The following CNTN5 variants were observed in gnomAD, a reference collection of about 807,000 sequenced individuals.
CNTN5 encodes the protein contactin 5, also known as contactin-5.
A neutral mutation model predicts 129.1 loss-of-function variants in CNTN5; 77 were observed. That is an observed-to-expected ratio of 0.60 (90% CI 0.50 to 0.72). The LOEUF (loss-of-function observed/expected upper bound fraction) is 0.72, where lower values mean the gene tolerates loss of function less well. CNTN5 is among the 30% of genes least tolerant of loss of function. The pLI is 0.00. For synonymous variants in CNTN5, 509 were observed against 465.6 expected (o/e 1.09, Z -1.20); for missense variants, 1,478 against 1,328.8 (o/e 1.11, Z -1.75).
chr11:99,570,574 CATTT>C (rs1317195259), intron 3 of CNTN5, among the ~76,000 whole-genome samples: 1 of 152,070 alleles, frequency 6.6e-6, no homozygotes, highest in African/African-American at 2.4e-5. Context: ...TAGTATAATT[CATTT>C]GTCTGTTAAT....
chr11:99,598,006 C>T (rs1950176467), intron 3 of CNTN5, among the ~76,000 whole-genome samples: 2 of 152,076 alleles, frequency 1.3e-5, no homozygotes, highest in Admixed American at 1.3e-4. Flanking sequence ...TAATACCACT[C>T]TGTCATCTCT....
chr11:99,145,940 T>G (rs563319495), intron 1 of CNTN5, among the ~76,000 whole-genome samples: 7 of 152,204 alleles, frequency 4.6e-5, no homozygotes, highest in African/African-American at 1.7e-4. Flanking sequence ...TGTAAGTATG[T>G]TGATTTTTTT....
chr11:99,324,146 T>C (rs1021998797), intron 1 of CNTN5, among the ~76,000 whole-genome samples: 1 of 152,176 alleles, frequency 6.6e-6, no homozygotes, highest in African/African-American at 2.4e-5. Context: ...ATAATATAAA[T>C]AGAAGTCATA....
At chr11:99,772,069 G>A (rs1944964998) in intron 3 of CNTN5, among the ~76,000 whole-genome samples, 1 of 60,804 alleles carries the variant, frequency 1.6e-5, no homozygotes, top group Admixed American at 1.7e-4. Context: ...AACTTCTGAG[G>A]TATTTTTTTT....
At chr11:99,523,329 CTGG>C (rs1299641010) in intron 2 of CNTN5, among the ~76,000 whole-genome samples, 1 of 152,070 alleles carries the variant, frequency 6.6e-6, no homozygotes, top group African/African-American at 2.4e-5. Flanking sequence ...TTGTGGCTGG[CTGG>C]GTGCAGTGGC....
intron 13 of CNTN5, among the ~76,000 whole-genome samples, chr11:100,144,780 G>A (rs1946797588): frequency 6.6e-6 from 1 of 151,610 alleles, no homozygotes; most frequent in African/African-American, 2.4e-5. Flanking sequence ...AATTTTAAGG[G>A]AACATTATTC....
intron 1 of CNTN5, among the ~76,000 whole-genome samples, chr11:99,202,276 C>T (rs1041967638): frequency 2.6e-5 from 4 of 152,106 alleles, no homozygotes; most frequent in African/African-American, 9.7e-5. Flanking sequence ...TTACTTAGTG[C>T]CTAGCATGCT....
chr11:99,319,525 C>T (rs565416976), intron 1 of CNTN5, among the ~76,000 whole-genome samples: 1 of 152,234 alleles, frequency 6.6e-6, no homozygotes, highest in South Asian at 2.1e-4. Flanking sequence ...GTTTCATTCT[C>T]CCACTGGACC....
chr11:99,869,872 T>C (rs781003722), intron 6 of CNTN5, among the ~76,000 whole-genome samples: 20 of 152,166 alleles, frequency 1.3e-4, no homozygotes, highest in Non-Finnish European at 2.4e-4. Context: ...TATTTTAAAA[T>C]GTCAAAATTA....
intron 3 of CNTN5, among the ~76,000 whole-genome samples, chr11:99,798,248 GCAATCCATGTTCCTGCC>G (rs565848238): frequency 1.3e-5 from 2 of 151,540 alleles, no homozygotes; most frequent in African/African-American, 2.4e-5. Context: ...CTTAGGATAA[GCAATCCATGTTCCTGCC>G]CAATCCATGT....
intron 4 of CNTN5, among the ~76,000 whole-genome samples, chr11:99,842,894 T>C (rs1169600837): frequency 6.6e-6 from 1 of 152,150 alleles, no homozygotes; most frequent in African/African-American, 2.4e-5. Flanking sequence ...CAGTGAGACA[T>C]ATTCTGGTTA....
intron 1 of CNTN5, among the ~76,000 whole-genome samples, chr11:99,138,446 C>A (rs1859344986): frequency 6.6e-6 from 1 of 152,030 alleles, no homozygotes; most frequent in African/African-American, 2.4e-5. Context: ...AACCCAGGTG[C>A]ATTTTTTACA....
At chr11:99,029,120 A>G (rs1591067784) in intron 1 of CNTN5, among the ~76,000 whole-genome samples, 1 of 142,216 alleles carries the variant, frequency 7.0e-6, no homozygotes, top group Non-Finnish European at 1.5e-5. Flanking sequence ...TTTCAATGGT[A>G]AAAAAATTAT....
At chr11:99,797,395 T>G (rs1945978833) in intron 3 of CNTN5, among the ~76,000 whole-genome samples, 1 of 152,172 alleles carries the variant, frequency 6.6e-6, no homozygotes, top group Admixed American at 6.6e-5. Context: ...CCCTTTACAC[T>G]GCAGCCTTGC....
chr11:99,572,702 A>G (rs1303186825), intron 3 of CNTN5, among the ~76,000 whole-genome samples: 1 of 152,178 alleles, frequency 6.6e-6, no homozygotes, highest in Non-Finnish European at 1.5e-5. Flanking sequence ...ACTGTAAGTC[A>G]GACTTTCAGA....
intron 2 of CNTN5, among the ~76,000 whole-genome samples, chr11:99,465,874 C>CTT (rs35950728): frequency 0.039 from 4,158 of 106,362 alleles, 194 homozygotes; most frequent in East Asian, 0.11. Flanking sequence ...TGCCACACAC[C>CTT]TTTTTTTTTT....
At chr11:99,596,875 G>C (rs1950143774) in intron 3 of CNTN5, among the ~76,000 whole-genome samples, 1 of 152,004 alleles carries the variant, frequency 6.6e-6, no homozygotes, top group African/African-American at 2.4e-5. Context: ...GGTTGAAATA[G>C]GCATACATAT....
At chr11:99,071,004 A>G (rs1191151369) in intron 1 of CNTN5, among the ~76,000 whole-genome samples, 5 of 152,146 alleles carry the variant, frequency 3.3e-5, no homozygotes, top group Non-Finnish European at 7.4e-5. Flanking sequence ...ATATTCTACA[A>G]GCTTACATGG....
intron 3 of CNTN5, among the ~76,000 whole-genome samples, chr11:99,805,441 G>C (rs1413089801): frequency 1.3e-5 from 2 of 152,088 alleles, no homozygotes; most frequent in Admixed American, 1.3e-4. Flanking sequence ...TTTATATAGA[G>C]AAAAAAATTA....
Sources: allele counts gnomAD v4.1 joint callset (sites outside exome capture counted in the v4.1 genomes callset), GRCh38; gene constraint gnomAD v4.1.1; transcripts MANE v1.5; gene names NCBI Gene and HGNC (gene_info 2026-07-23, HGNC 2026-07-21).